Variants in SIPA1L2 observed in about 807,000 individuals in gnomAD.
SIPA1L2 encodes signal induced proliferation associated 1 like 2.
SIPA1L2 carries 56 observed loss-of-function variants against 163.9 expected under a neutral mutation model. That is an observed-to-expected ratio of 0.34 (90% confidence interval 0.28 to 0.43). The LOEUF (loss-of-function observed/expected upper bound fraction) is 0.43, where lower values mean the gene tolerates loss of function less well. Ranked by LOEUF, SIPA1L2 falls within the 20% of genes least tolerant of loss-of-function variation. The pLI is 1.00. For synonymous variants in SIPA1L2, 877 were observed against 865.7 expected (o/e 1.01, Z -0.23); for missense variants, 1,974 against 2,193.5 (o/e 0.90, Z 2.00).
intron 19 of SIPA1L2, 45 bp downstream of exon 19, chr1:232,415,449 C>T: frequency 6.4e-7 from 1 of 1,552,364 alleles, no homozygotes; most frequent in South Asian, 1.2e-5. Context: ...TGCAGGAAAG[C>T]ACTCCCAGGG....
chr1:232,475,156 A>G (rs1664978448), intron 7 of SIPA1L2, among the ~76,000 whole-genome samples: 1 of 152,278 alleles, frequency 6.6e-6, no homozygotes, highest in Non-Finnish European at 1.5e-5. Flanking sequence ...TCCTGTTACT[A>G]AAAAGGGGGC....
intron 9 of SIPA1L2, among the ~76,000 whole-genome samples, chr1:232,463,981 G>C (rs1278316426): frequency 6.6e-6 from 1 of 151,990 alleles, no homozygotes; most frequent in Non-Finnish European, 1.5e-5. Context: ...GGGAGGAAAG[G>C]GGGCAAGAAA....
At chr1:232,597,542 T>C (rs1213704340) in intron 1 of SIPA1L2, among the ~76,000 whole-genome samples, 1 of 147,956 alleles carries the variant, frequency 6.8e-6, no homozygotes, top group Non-Finnish European at 1.5e-5. Context: ...AAAAAAAAAT[T>C]AGCCGGGCGT....
chr1:232,541,502 A>C (rs1657677138), intron 2 of SIPA1L2, among the ~76,000 whole-genome samples: 2 of 152,180 alleles, frequency 1.3e-5, no homozygotes, highest in Admixed American at 1.3e-4. Context: ...AACCAGATAG[A>C]TAATTTATTT....
At chr1:232,432,800 G>A (rs1662328467) in intron 15 of SIPA1L2, among the ~76,000 whole-genome samples, 1 of 152,192 alleles carries the variant, frequency 6.6e-6, no homozygotes, top group Non-Finnish European at 1.5e-5. Context: ...ATTTGTCGGA[G>A]AAGGTGCTCA....
intron 1 of SIPA1L2, among the ~76,000 whole-genome samples, chr1:232,597,689 C>CAAAAAAAAA (rs376123118): frequency 1.7e-4 from 11 of 65,384 alleles, no homozygotes; most frequent in Non-Finnish European, 2.5e-4. Context: ...AACTCTGTCT[C>CAAAAAAAAA]AAAAAAAAAA....
At chr1:232,459,287 C>A (rs1212413699) in intron 10 of SIPA1L2, among the ~76,000 whole-genome samples, 6 of 152,076 alleles carry the variant, frequency 3.9e-5, no homozygotes, top group Admixed American at 2.0e-4. Flanking sequence ...TACGTAATAG[C>A]CACATGTGGT....
intron 17 of SIPA1L2, 65 bp downstream of exon 17, chr1:232,428,346 T>A: frequency 7.6e-7 from 1 of 1,311,562 alleles, no homozygotes; most frequent in Non-Finnish European, 1.0e-6. Flanking sequence ...TGAGTTTCTT[T>A]AGACTTTTTT....
At chr1:232,588,851 T>C (rs1369035073) in intron 1 of SIPA1L2, among the ~76,000 whole-genome samples, 5 of 150,494 alleles carry the variant, frequency 3.3e-5, no homozygotes, top group African/African-American at 7.2e-5. Flanking sequence ...TTTTGGAAAA[T>C]AGTTATTTTT....
chr1:232,605,553 G>A (rs565154776), intron 1 of SIPA1L2, among the ~76,000 whole-genome samples: 11 of 152,282 alleles, frequency 7.2e-5, no homozygotes, highest in African/African-American at 2.6e-4. Flanking sequence ...AATTAGCCGG[G>A]CATGGTGGCG....
intron 2 of SIPA1L2, among the ~76,000 whole-genome samples, chr1:232,553,011 G>A (rs529254289): frequency 1.3e-5 from 2 of 152,254 alleles, no homozygotes; most frequent in South Asian, 4.1e-4. Flanking sequence ...ATCTGCAGAC[G>A]GCCTAAGTGT....
intron 2 of SIPA1L2, among the ~76,000 whole-genome samples, chr1:232,545,632 G>A (rs1292640694): frequency 6.6e-6 from 1 of 152,000 alleles, no homozygotes; most frequent in Admixed American, 6.5e-5. Context: ...AAACATAATT[G>A]TTTTTTAAAA....
chr1:232,438,726 C>T (rs374319652), intron 15 of SIPA1L2, among the ~76,000 whole-genome samples: 2 of 152,250 alleles, frequency 1.3e-5, no homozygotes, highest in African/African-American at 4.8e-5. Flanking sequence ...GTGCTCTACG[C>T]ACATGCTGCC....
intron 2 of SIPA1L2, among the ~76,000 whole-genome samples, chr1:232,536,671 G>T (rs184479343): frequency 6.6e-6 from 1 of 152,066 alleles, no homozygotes; most frequent in Non-Finnish European, 1.5e-5. Context: ...CAAACAAAAC[G>T]ACAGAAGTTC....
rs1240111808 is a variant in SIPA1L2, at chr1:232,490,991, T to A, written c.1689A>T (p.Gly563=). The A allele has an allele frequency of 1.9e-6, 3 of 1,614,060 alleles. No homozygotes were observed. In the African/African-American group the frequency reaches 4.0e-5, roughly 22 times the overall value. Residue 563 remains glycine, a synonymous_variant, in exon 5 of 23, where the codon GGA becomes GGT. Coordinates refer to ENST00000674635, the MANE Select transcript of SIPA1L2 (RefSeq NM_020808.5). ...PSTARHGTAR[G]LPLKEVLEYV... ...ATTCCAAAACTTCTTTGAGAGGTAG[T>A]CCTCGTGCGGTACCATGCCTAGCAG...
intron 2 of SIPA1L2, among the ~76,000 whole-genome samples, chr1:232,533,811 T>A (rs1344648728): frequency 6.6e-6 from 1 of 152,144 alleles, no homozygotes; most frequent in Non-Finnish European, 1.5e-5. Context: ...AACAACGAGT[T>A]AAGCAGCAGA....
At chr1:232,467,289 T>C (rs898895875) in intron 8 of SIPA1L2, among the ~76,000 whole-genome samples, 2 of 152,128 alleles carry the variant, frequency 1.3e-5, no homozygotes, top group African/African-American at 4.8e-5. Context: ...TTTATGGTAG[T>C]ATATATACCA....
intron 15 of SIPA1L2, among the ~76,000 whole-genome samples, 158 bp from the exon 16 acceptor site, chr1:232,432,629 G>T (rs2102834889): frequency 6.6e-6 from 1 of 152,330 alleles, no homozygotes; most frequent in South Asian, 2.1e-4. Context: ...CATGGAGCTT[G>T]CTAGGAAGCC....
chr1:232,515,769 C>T (rs1260685442), intron 2 of SIPA1L2, among the ~76,000 whole-genome samples, 161 bp from the exon 3 acceptor site: 1 of 152,226 alleles, frequency 6.6e-6, no homozygotes, highest in Non-Finnish European at 1.5e-5. Flanking sequence ...CACCATCTTC[C>T]TTCTCTACAT....
Sources: gnomAD v4.1 joint callset for allele counts (sites outside exome capture counted in the v4.1 genomes callset) on GRCh38, gnomAD v4.1.1 for gene constraint, MANE v1.5 for transcripts, NCBI Gene and HGNC (gene_info 2026-07-23, HGNC 2026-07-21) for gene names.